Variants in RXFP1 observed in about 807,000 individuals in gnomAD.
RXFP1 encodes relaxin family peptide receptor 1, also known as relaxin receptor 1.
In RXFP1, 73 loss-of-function variants were observed where a neutral mutation model predicts 89.8. That is an observed-to-expected ratio of 0.81 (90% CI 0.67 to 0.99). RXFP1 has a LOEUF of 0.99. Among genes scored for constraint, RXFP1 ranks in the 50% least tolerant of loss-of-function variants. The probability of loss-of-function intolerance (pLI) is 0.00; values close to 1 mark genes in which losing one functional copy is unlikely to be tolerated. For synonymous variants in RXFP1, 277 were observed against 305.5 expected, an observed-to-expected ratio of 0.91 and a Z score of 0.97; for missense variants, 793 against 895.5, an observed-to-expected ratio of 0.89 and a Z score of 1.46.
chr4:158,537,163 CTT>C (rs1286804838), intron 1 of RXFP1, among the ~76,000 whole-genome samples: 2 of 152,094 alleles, frequency 1.3e-5, no homozygotes, highest in Non-Finnish European at 2.9e-5. Context: ...TCCAACCTCT[CTT>C]TAGGATTTTT....
rs201851099 is a variant in RXFP1 at position 158,618,854 on chromosome 4, C to CA, written c.755+1658dup. 9.7e-4 allele frequency among the ~76,000 whole-genome samples: 143 copies of CA among 148,136 alleles called. 1 individual carries two copies. The highest frequency in any genetic ancestry group is 3.1e-3 in the African/African-American group (127 of 40,394). ...ATGCCACAATAAAAGTTGTAAAATT[C>CA]AAAAAAAAAGAAATATAAGTAATAA... is the stretch of plus-strand genomic sequence containing the variant. On this transcript the variant is annotated intron_variant, in intron 9 of 17. Coordinates refer to ENST00000307765, the MANE Select transcript of RXFP1 (RefSeq NM_021634.4).
Position 158,645,023 on chromosome 4 carries a change from A to G in RXFP1, c.1230A>G (p.Val410=), listed in dbSNP as rs1771235438. The change falls in exon 15 of 18, where the codon GTA becomes GTG. Residue 410 remains valine (V), a synonymous_variant. Transcript: ENST00000307765. ...ENLLASIIQR[V]FVWVVSAVTC... ...TCTTGGCAAGCATTATTCAGAGAGT[A>G]TTTGTCTGGGTTGTATCTGCAGTTA... 1.9e-6 allele frequency: 3 copies of G among 1,614,106 alleles called. No homozygotes were observed. In the East Asian group the frequency reaches 6.7e-5, roughly 36 times the overall value.
At chr4:158,648,188 A>G (rs546342137) in intron 16 of RXFP1, among the ~76,000 whole-genome samples, 11 of 152,324 alleles carry the variant, frequency 7.2e-5, no homozygotes, top group African/African-American at 2.4e-4. Flanking sequence ...AAAATTAAAA[A>G]TAAAACATCA....
At chr4:158,545,588 AC>A (rs1311970606) in intron 1 of RXFP1, among the ~76,000 whole-genome samples, 2 of 152,208 alleles carry the variant, frequency 1.3e-5, no homozygotes, top group Admixed American at 6.5e-5. Flanking sequence ...TTTAGGTCTA[AC>A]ATGTAAGTCT....
chr4:158,534,741 G>A (rs1744885258), intron 1 of RXFP1, among the ~76,000 whole-genome samples: 1 of 151,398 alleles, frequency 6.6e-6, no homozygotes, highest in East Asian at 1.9e-4. Context: ...CAATGTCACG[G>A]GCACATCAAT....
At chr4:158,621,512 T>G (rs1765628782) in intron 9 of RXFP1, among the ~76,000 whole-genome samples, 1 of 152,210 alleles carries the variant, frequency 6.6e-6, no homozygotes. Context: ...TGAGTAAAGT[T>G]ACAAAGATTG....
chr4:158,602,929 G>T (rs1221971931), intron 4 of RXFP1, among the ~76,000 whole-genome samples: 2 of 152,062 alleles, frequency 1.3e-5, no homozygotes, highest in Non-Finnish European at 2.9e-5. Flanking sequence ...AGGTTTTTTT[G>T]TTTGTTTGTT....
chr4:158,562,038 T>G (rs1436611251), intron 1 of RXFP1, among the ~76,000 whole-genome samples: 1 of 152,198 alleles, frequency 6.6e-6, no homozygotes, highest in African/African-American at 2.4e-5. Context: ...GCTTATACAC[T>G]TAAATTCTCT....
intron 2 of RXFP1, among the ~76,000 whole-genome samples, chr4:158,592,030 A>G (rs1579888908): frequency 1.3e-5 from 2 of 152,184 alleles, no homozygotes; most frequent in African/African-American, 4.8e-5. Flanking sequence ...GCTTGACTGC[A>G]CTGTCTCTTA....
At chr4:158,626,959 T>C in intron 10 of RXFP1, 68 bp downstream of exon 10, 1 of 778,746 alleles carries the variant, frequency 1.3e-6, no homozygotes. Context: ...AAAACACCCA[T>C]TTTATGGAAA....
intron 1 of RXFP1, among the ~76,000 whole-genome samples, chr4:158,562,393 G>A (rs866282700): frequency 7.3e-4 from 109 of 149,036 alleles, no homozygotes; most frequent in Admixed American, 1.7e-3. Flanking sequence ...GCGTAGTGGC[G>A]GGCGCCTGTA....
At chr4:158,605,726 G>A (rs544053868) in intron 5 of RXFP1, among the ~76,000 whole-genome samples, 1 of 152,224 alleles carries the variant, frequency 6.6e-6, no homozygotes, top group Admixed American at 6.5e-5. Flanking sequence ...CCCACGGGAT[G>A]TTTACCTGTT....
intron 3 of RXFP1, among the ~76,000 whole-genome samples, chr4:158,596,794 G>A (rs1175780805): frequency 6.6e-6 from 1 of 152,130 alleles, no homozygotes; most frequent in Non-Finnish European, 1.5e-5. Context: ...TAGCTGTCAA[G>A]TCCAAGAGAG....
chr4:158,633,844 G>T (rs1272547681), intron 12 of RXFP1, among the ~76,000 whole-genome samples: 1 of 152,122 alleles, frequency 6.6e-6, no homozygotes, highest in East Asian at 1.9e-4. Context: ...TTTCATTTCT[G>T]TTGTAGCAGA....
intron 9 of RXFP1, among the ~76,000 whole-genome samples, chr4:158,623,227 G>A (rs896831378): frequency 6.6e-6 from 1 of 151,848 alleles, no homozygotes; most frequent in Non-Finnish European, 1.5e-5. Flanking sequence ...GGTCAGGTGC[G>A]GTGGTGCATG....
chr4:158,547,373 A>G (rs1054095203), intron 1 of RXFP1, among the ~76,000 whole-genome samples: 4 of 151,936 alleles, frequency 2.6e-5, no homozygotes, highest in African/African-American at 9.7e-5. Flanking sequence ...GCTGTCTATC[A>G]ATTTTGTTGA....
At chr4:158,563,130 T>C (rs1457888351) in intron 1 of RXFP1, among the ~76,000 whole-genome samples, 1 of 152,204 alleles carries the variant, frequency 6.6e-6, no homozygotes, top group East Asian at 1.9e-4. Flanking sequence ...TGTCAGTCTC[T>C]TTCCTGGGAG....
At chr4:158,556,400 T>G (rs916345732) in intron 1 of RXFP1, among the ~76,000 whole-genome samples, 1 of 152,094 alleles carries the variant, frequency 6.6e-6, no homozygotes, top group Non-Finnish European at 1.5e-5. Flanking sequence ...ATGGCTATTA[T>G]CAAAAAACCA....
chr4:158,554,719 A>T (rs1480704640), intron 1 of RXFP1, among the ~76,000 whole-genome samples: 1 of 144,270 alleles, frequency 6.9e-6, no homozygotes, highest in Non-Finnish European at 1.5e-5. Flanking sequence ...GCAATGATGT[A>T]AAAAAAAAAA....
Sources: gnomAD v4.1 joint callset for allele counts (sites outside exome capture counted in the v4.1 genomes callset) on GRCh38, gnomAD v4.1.1 for gene constraint, MANE v1.5 for transcripts, NCBI Gene and HGNC (gene_info 2026-07-23, HGNC 2026-07-21) for gene names.